TMEM232: variants seen among roughly 807,000 people sequenced by gnomAD.
TMEM232 encodes transmembrane protein 232.
Under a neutral mutation model 78.8 loss-of-function variants are expected in TMEM232, and 80 were observed. That is an observed-to-expected ratio of 1.01 (90% CI 0.85 to 1.22). The LOEUF (loss-of-function observed/expected upper bound fraction) is 1.22. TMEM232 is among the 50% of genes most tolerant of loss of function. TMEM232 has a pLI of 0.00. For synonymous variants in TMEM232, 297 were observed against 254.3 expected, an observed-to-expected ratio of 1.17 and a Z score of -1.60; for missense variants, 881 against 742.2, an observed-to-expected ratio of 1.19 and a Z score of -2.17.
intron 10 of TMEM232, 75 bp downstream of exon 10, chr5:110,605,034 T>C: frequency 2.2e-6 from 3 of 1,366,366 alleles, no homozygotes; most frequent in Non-Finnish European, 2.9e-6. Context: ...TAACTTTGAG[T>C]AGAATGCTTA....
chr5:110,681,083 C>T (rs546183089), intron 1 of TMEM232, among the ~76,000 whole-genome samples: 1 of 152,116 alleles, frequency 6.6e-6, no homozygotes, highest in Admixed American at 6.5e-5. Context: ...TCTAAGAGCT[C>T]CAGCAAAGAG....
At chr5:110,656,717 A>C (rs1280448047) in intron 2 of TMEM232, among the ~76,000 whole-genome samples, 3 of 152,068 alleles carry the variant, frequency 2.0e-5, no homozygotes, top group Non-Finnish European at 2.9e-5. Context: ...GGGCACCGGT[A>C]GTCCCAGCTA....
chr5:110,444,107 T>C (rs546051074), intron 12 of TMEM232, among the ~76,000 whole-genome samples: 3 of 152,208 alleles, frequency 2.0e-5, no homozygotes, highest in South Asian at 2.1e-4. Context: ...CCTTAGGTCA[T>C]GTGCCACCCT....
intron 10 of TMEM232, among the ~76,000 whole-genome samples, chr5:110,600,688 A>G (rs1780775921): frequency 6.6e-6 from 1 of 152,150 alleles, no homozygotes; most frequent in South Asian, 2.1e-4. Flanking sequence ...ACCAAAAAAA[A>G]AGACCAGAAC....
chr5:110,484,402 GCAATACAAAGAGGAA>G (rs1398515170), intron 12 of TMEM232, among the ~76,000 whole-genome samples: 5 of 151,902 alleles, frequency 3.3e-5, no homozygotes, highest in Admixed American at 3.3e-4. Flanking sequence ...AAAGGAGGCA[GCAATACAAAGAGGAA>G]CAAAAAGACA....
chr5:110,636,911 G>A (rs1785918228), intron 5 of TMEM232, among the ~76,000 whole-genome samples: 1 of 151,948 alleles, frequency 6.6e-6, no homozygotes, highest in East Asian at 1.9e-4. Context: ...CAAAGTATAA[G>A]CAATATGCTC....
intron 1 of TMEM232, among the ~76,000 whole-genome samples, chr5:110,673,001 C>T (rs1202977676): frequency 1.3e-5 from 2 of 152,122 alleles, no homozygotes; most frequent in African/African-American, 4.8e-5. Flanking sequence ...GAGACATGCA[C>T]ACGCATGTTT....
chr5:110,738,165 G>A, upstream of TMEM232: 8 of 1,228,326 alleles, frequency 6.5e-6, no homozygotes, highest in South Asian at 9.3e-5. Context: ...CGAGTTGAAG[G>A]AACATAGGAT....
chr5:110,695,829 A>G (rs1374266589), intron 1 of TMEM232, among the ~76,000 whole-genome samples: 2 of 152,108 alleles, frequency 1.3e-5, no homozygotes, highest in East Asian at 1.9e-4. Context: ...CAACCAAAAA[A>G]AGTCCAGGAC....
intron 12 of TMEM232, among the ~76,000 whole-genome samples, chr5:110,469,467 C>T (rs1762436538): frequency 1.3e-5 from 2 of 152,218 alleles, no homozygotes. Flanking sequence ...TGAAGTTACA[C>T]ATTCCTCCTG....
intron 2 of TMEM232, among the ~76,000 whole-genome samples, chr5:110,652,070 C>G (rs1333867206): frequency 6.6e-6 from 1 of 152,122 alleles, no homozygotes; most frequent in Non-Finnish European, 1.5e-5. Flanking sequence ...GGTTAAGTAT[C>G]ACACTCAAGG....
intron 1 of TMEM232, among the ~76,000 whole-genome samples, chr5:110,711,701 A>G (rs141199107): frequency 0.012 from 1,852 of 152,284 alleles, 45 homozygotes; most frequent in African/African-American, 0.042. Flanking sequence ...AGTCTCTTCA[A>G]TAAGTAGTGC....
At chr5:110,468,626 T>C (rs1277058157) in intron 12 of TMEM232, among the ~76,000 whole-genome samples, 1 of 152,136 alleles carries the variant, frequency 6.6e-6, no homozygotes, top group Non-Finnish European at 1.5e-5. Context: ...ATTATATAAG[T>C]ATAACCCCAG....
intron 12 of TMEM232, among the ~76,000 whole-genome samples, chr5:110,453,863 C>A (rs1381641267): frequency 1.3e-5 from 2 of 149,840 alleles, no homozygotes; most frequent in East Asian, 1.9e-4. Flanking sequence ...AAGACATCAG[C>A]ACCACAGGCA....
At chr5:110,680,420 A>C (rs955243738) in intron 1 of TMEM232, among the ~76,000 whole-genome samples, 1 of 150,686 alleles carries the variant, frequency 6.6e-6, no homozygotes, top group African/African-American at 2.4e-5. Flanking sequence ...AAAAAAAAAA[A>C]AGCAACCTAA....
intron 10 of TMEM232, among the ~76,000 whole-genome samples, chr5:110,580,161 C>T (rs945293875): frequency 4.0e-5 from 6 of 151,720 alleles, no homozygotes; most frequent in Admixed American, 3.9e-4. Flanking sequence ...CACCTAAATA[C>T]AGACATTTGC....
chr5:110,570,595 G>T (rs754124642), intron 10 of TMEM232, among the ~76,000 whole-genome samples: 29 of 151,906 alleles, frequency 1.9e-4, no homozygotes, highest in Non-Finnish European at 5.9e-5. Context: ...GGTAAATTTG[G>T]GAAAAGTGCA....
rs528610749 is a variant in TMEM232 at position 110,437,202 on chromosome 5, A to T, written c.1704-12286T>A. 1.3e-3 allele frequency among the ~76,000 whole-genome samples: 190 copies of T among 151,976 alleles called. 2 individuals are homozygous for T. The highest frequency in any genetic ancestry group is 4.4e-3 in the African/African-American group (183 of 41,504). ...TTCCTATGTATTTAATTTTATTTGT[A>T]GCTATTATTAATGGGATTGCTTTAT... On this transcript the variant is annotated intron_variant, in intron 12 of 13. Coordinates refer to ENST00000455884, the MANE Select transcript of TMEM232 (RefSeq NM_001039763.4).
chr5:110,615,574 A>C (rs1359196192), intron 8 of TMEM232, among the ~76,000 whole-genome samples: 1 of 152,020 alleles, frequency 6.6e-6, no homozygotes, highest in South Asian at 2.1e-4. Context: ...ATCAGGAACA[A>C]GACAAGAATG....
Sources: gnomAD v4.1 joint callset for allele counts (sites outside exome capture counted in the v4.1 genomes callset) on GRCh38, gnomAD v4.1.1 for gene constraint, MANE v1.5 for transcripts, NCBI Gene and HGNC (gene_info 2026-07-23, HGNC 2026-07-21) for gene names.